The following ANO4 variants were observed in gnomAD, a reference collection of about 807,000 sequenced individuals.
ANO4 encodes anoctamin 4.
In ANO4, 69 loss-of-function variants were observed where a neutral mutation model predicts 141.9. The ratio of observed to expected loss-of-function variants is 0.49; its 90% CI spans 0.40 to 0.59. The LOEUF (loss-of-function observed/expected upper bound fraction) is 0.59, where lower values mean the gene tolerates loss of function less well. Ranked by LOEUF, ANO4 falls within the 20% of genes least tolerant of loss-of-function variation. The pLI is 0.00. For missense variants in ANO4, 894 were observed against 1,162.2 expected (o/e 0.77, Z 3.36); for synonymous variants, 350 against 394.3 (o/e 0.89, Z 1.33).
At chr12:100,837,683 G>A (rs2037003138) in intron 1 of ANO4, among the ~76,000 whole-genome samples, 1 of 142,422 alleles carries the variant, frequency 7.0e-6, no homozygotes. Flanking sequence ...TTGGACCACT[G>A]CACTCCAGTC....
chr12:100,791,532 A>G (rs1337989352), upstream of ANO4, among the ~76,000 whole-genome samples: 1 of 152,232 alleles, frequency 6.6e-6, no homozygotes, highest in Non-Finnish European at 1.5e-5. Flanking sequence ...TTTGTTGCAT[A>G]AAAGATTTAC....
chr12:100,807,386 T>C (rs560997549), intron 1 of ANO4, among the ~76,000 whole-genome samples: 1 of 152,308 alleles, frequency 6.6e-6, no homozygotes, highest in East Asian at 1.9e-4. Context: ...CACTCTAGTT[T>C]TATGAATTTT....
At chr12:100,894,087 G>A (rs896483429) in intron 1 of ANO4, among the ~76,000 whole-genome samples, 13 of 152,046 alleles carry the variant, frequency 8.6e-5, no homozygotes, top group African/African-American at 2.9e-4. Flanking sequence ...TTTTCAATGC[G>A]CTTAAACGCT....
intron 1 of ANO4, among the ~76,000 whole-genome samples, chr12:100,826,796 C>T (rs1022454606): frequency 2.6e-5 from 4 of 152,008 alleles, no homozygotes; most frequent in African/African-American, 9.7e-5. Flanking sequence ...CTTCCATCTC[C>T]GTCAATGGCA....
At chr12:100,947,432 A>G (rs528977180) in intron 5 of ANO4, among the ~76,000 whole-genome samples, 1 of 152,310 alleles carries the variant, frequency 6.6e-6, no homozygotes, top group Non-Finnish European at 1.5e-5. Context: ...CCAACCCTTC[A>G]CTTTGCTTCT....
chr12:100,799,271 G>A (rs1002315410), intron 1 of ANO4, among the ~76,000 whole-genome samples: 2 of 152,088 alleles, frequency 1.3e-5, no homozygotes, highest in African/African-American at 4.8e-5. Context: ...GACATTCCTG[G>A]AGGGAGTAGG....
intron 22 of ANO4, 109 bp from the exon 23 acceptor site, chr12:101,110,295 T>C (rs2050613321): frequency 8.5e-7 from 1 of 1,181,656 alleles, no homozygotes; most frequent in Non-Finnish European, 1.1e-6. Context: ...TGTGCGTCTG[T>C]ATTGGGAAAA....
chr12:101,062,351 G>A (rs1230192579), intron 14 of ANO4, among the ~76,000 whole-genome samples: 1 of 152,242 alleles, frequency 6.6e-6, no homozygotes, highest in Non-Finnish European at 1.5e-5. Context: ...CCAGTCAGGA[G>A]GCATGGGCAT....
intron 14 of ANO4, among the ~76,000 whole-genome samples, chr12:101,062,489 C>T (rs2136738927): frequency 6.6e-6 from 1 of 152,324 alleles, no homozygotes; most frequent in Non-Finnish European, 1.5e-5. Context: ...CCGACAGCCA[C>T]TGCTTCCCCC....
chr12:100,771,423 C>T (rs1203200945), intron 3 of ANO4, among the ~76,000 whole-genome samples: 3 of 152,154 alleles, frequency 2.0e-5, no homozygotes, highest in Non-Finnish European at 4.4e-5. Context: ...AACAGTCAAG[C>T]CTTTAACTAC....
chr12:100,927,596 GTGTATGTA>G (rs920671392), intron 3 of ANO4, among the ~76,000 whole-genome samples: 1 of 152,132 alleles, frequency 6.6e-6, no homozygotes, highest in African/African-American at 2.4e-5. Context: ...GTATGTGTGT[GTGTATGTA>G]TGTGAGCATT....
rs2041455806 is a variant in ANO4 at position 100,918,532 on chromosome 12, C to A, written c.56-3694C>A. Among the ~76,000 whole-genome samples the A allele has an allele frequency of 1.3e-5, 2 of 152,014 alleles. 1 individual carries two copies. Among genetic ancestry groups the A allele is most frequent in the South Asian group, 4.1e-4 (2 of 4,822 alleles). ...GATGACTTTTTCATCAGTGATGGAC[C>A]ACATAAACCATGGTGGTCCCATTAA... On this transcript the variant is annotated intron_variant, in intron 2 of 27. Coordinates refer to ENST00000392977, the MANE Select transcript of ANO4 (RefSeq NM_001286615.2).
intron 9 of ANO4, among the ~76,000 whole-genome samples, chr12:101,027,049 A>G (rs535072522): frequency 6.6e-6 from 1 of 152,126 alleles, no homozygotes; most frequent in Non-Finnish European, 1.5e-5. Context: ...TTCTCATCAG[A>G]ACTGACTAGG....
intron 3 of ANO4, among the ~76,000 whole-genome samples, chr12:100,748,871 C>T (rs2135491431): frequency 6.6e-6 from 1 of 152,112 alleles, no homozygotes; most frequent in Non-Finnish European, 1.5e-5. Context: ...CAAAATAGCC[C>T]TGAAGGGGTA....
chr12:100,819,447 T>C (rs1186589476), intron 1 of ANO4, among the ~76,000 whole-genome samples: 2 of 151,998 alleles, frequency 1.3e-5, no homozygotes. Flanking sequence ...AACTTTGGGA[T>C]TTATATATGT....
chr12:100,938,885 G>A lies in ANO4; in HGVS notation c.161-430G>A, dbSNP rs186449226. Among the ~76,000 whole-genome samples, 9 of 152,258 alleles carry A rather than the reference G, an allele frequency of 5.9e-5. No individual in the cohort carries two copies. In the South Asian group the frequency reaches 1.5e-3, roughly 25 times the overall value. ...TCTTACTGAATAGTTCAAGTGGCACGTTTATGGGTTCACTTGGCAAGCTAT... is the reference window on the plus strand; with the variant it reads ...TCTTACTGAATAGTTCAAGTGGCACATTTATGGGTTCACTTGGCAAGCTAT... On this transcript the variant is annotated intron_variant, in intron 3 of 27. Transcript: ENST00000392977.
Position 100,766,188 on chromosome 12 carries a change from A to G in ANO4, c.358+26083A>G, listed in dbSNP as rs894831410. Reference sequence around the variant, plus strand: ...CTCCAGGTTCATCCAGGTTGTTGCAAATGATAGAATTCCTTTTCTTTTTAA... The same window carrying G: ...CTCCAGGTTCATCCAGGTTGTTGCAGATGATAGAATTCCTTTTCTTTTTAA... On this transcript the variant is annotated intron_variant, in intron 3 of 29. Coordinates refer to the ANO4 transcript ENST00000644049. Among the ~76,000 whole-genome samples the G allele has an allele frequency of 2.6e-5, 4 of 152,128 alleles. No homozygotes were observed. In the East Asian group the frequency reaches 7.7e-4, roughly 29 times the overall value.
intron 5 of ANO4, among the ~76,000 whole-genome samples, chr12:100,970,804 C>T (rs2043900290): frequency 6.6e-6 from 1 of 151,866 alleles, no homozygotes; most frequent in African/African-American, 2.4e-5. Flanking sequence ...CTGCAACCTC[C>T]ACCTTTCGGG....
chr12:101,087,521 C>T (rs1045276796), intron 17 of ANO4, among the ~76,000 whole-genome samples: 1 of 151,484 alleles, frequency 6.6e-6, no homozygotes, highest in African/African-American at 2.4e-5. Context: ...GACCCTGTCT[C>T]AAAAAAACAC....
Sources: gnomAD v4.1 joint callset for allele counts (sites outside exome capture counted in the v4.1 genomes callset) on GRCh38, gnomAD v4.1.1 for gene constraint, MANE v1.5 for transcripts, NCBI Gene and HGNC (gene_info 2026-07-23, HGNC 2026-07-21) for gene names.